The following TMEM236 variants were observed in gnomAD, a reference collection of about 807,000 sequenced individuals.
TMEM236 encodes transmembrane protein 236.
TMEM236 carries 11 observed loss-of-function variants against 14.7 expected under a neutral mutation model. The ratio of observed to expected loss-of-function variants is 0.75; its 90% CI spans 0.47 to 1.24. The LOEUF is 1.24. Ranked by LOEUF, TMEM236 falls within the 50% of genes most tolerant of loss-of-function variation. TMEM236 has a pLI of 0.00. For synonymous variants in TMEM236, 182 were observed against 168.6 expected (o/e 1.08, Z -0.62); for missense variants, 464 against 427.3 (o/e 1.09, Z -0.76).
At chr10:17,769,886 C>T (rs1212802515) in intron 1 of TMEM236, among the ~76,000 whole-genome samples, 11 of 152,298 alleles carry the variant, frequency 7.2e-5, no homozygotes, top group African/African-American at 2.6e-4. Context: ...GTTCGTTACA[C>T]TGGTATGTTG....
At chr10:17,790,253 A>C (rs1837905264) in intron 3 of TMEM236, among the ~76,000 whole-genome samples, 1 of 152,154 alleles carries the variant, frequency 6.6e-6, no homozygotes, top group Non-Finnish European at 1.5e-5. Context: ...TAAATAAATG[A>C]TGAAGCTGAA....
intron 1 of TMEM236, among the ~76,000 whole-genome samples, chr10:17,764,192 A>G (rs1171324328): frequency 3.3e-5 from 5 of 152,194 alleles, no homozygotes; most frequent in African/African-American, 4.8e-5. Context: ...TCCACCCACC[A>G]TGCTTCCTCT....
rs1837224998 is a variant in TMEM236 at position 17,752,565 on chromosome 10, A to G, written c.257+13A>G. On this transcript the variant is annotated intron_variant, in intron 1 of 3. Coordinates refer to ENST00000377495, the MANE Select transcript of TMEM236 (RefSeq NM_001098844.3). ...AAATTAAAGGATGGTAAGTAAAAGA[A>G]TTTTCTTTTTTTTCTTTTTGATTTG... 3 of 1,612,496 alleles carry G rather than the reference A, an allele frequency of 1.9e-6. No individual in the cohort carries two copies. Among genetic ancestry groups the G allele is most frequent in the Non-Finnish European group, 2.5e-6 (3 of 1,178,806 alleles).
rs1449137143 is a variant in TMEM236 at position 17,759,815 on chromosome 10, C to T, written c.257+7263C>T. Among the ~76,000 whole-genome samples the T allele has an allele frequency of 4.6e-5, 7 of 151,870 alleles. No individual in the cohort carries two copies. In the East Asian group the frequency reaches 1.2e-3, roughly 25 times the overall value. On this transcript the variant is annotated intron_variant, in intron 1 of 3. Coordinates refer to ENST00000377495, the MANE Select transcript of TMEM236 (RefSeq NM_001098844.3). ...CTAACACGGTGAAACCCCGTCTCTA[C>T]TAAAAATACAGAAAAATGAGCCGGG...
At chr10:17,754,278 T>G (rs1837250893) in intron 1 of TMEM236, among the ~76,000 whole-genome samples, 1 of 152,216 alleles carries the variant, frequency 6.6e-6, no homozygotes, top group Non-Finnish European at 1.5e-5. Flanking sequence ...CTTTGACCAT[T>G]AACTACGACT....
rs878958449 is a variant in TMEM236 at position 17,762,574 on chromosome 10, CATATATATATAT to C, written c.258-8701_258-8690del. ...GGTATATATTTACCTATCTGAATTT[CATATATATATAT>C]ATATATATATATATATATATATATA... On this transcript the variant is annotated intron_variant, in intron 1 of 3. Transcript: ENST00000377495. Among the ~76,000 whole-genome samples the C allele has an allele frequency of 9.2e-3, 487 of 53,056 alleles. 19 individuals are homozygous for C. Among genetic ancestry groups the C allele is most frequent in the Admixed American group, 0.061 (240 of 3,960 alleles). The allele number at this position is 53,056 out of a possible 152,430, so 34.8% of individuals were successfully genotyped here.
At chr10:17,776,194 TA>T in intron 3 of TMEM236, 24 bp downstream of exon 3, 1 of 1,600,402 alleles carries the variant, frequency 6.2e-7, no homozygotes. Flanking sequence ...TAAATGTGAA[TA>T]TTTTTTAAAG....
chr10:17,795,947 AC>A lies in TMEM236; in HGVS notation c.501del (p.Ser168LeufsTer5). On this transcript the variant is annotated frameshift_variant, in exon 4 of 4. Transcript: ENST00000377495. LOFTEE classifies it low-confidence loss of function (END_TRUNC). ...TAGTGAAAATGGACACATCCATTCA[AC>A]CTCTTTGCAACACATAAAAACTGTG... Reference protein sequence around the residue: ...KSSENGHIHSTSLQHIKTVTE... With the variant: ...KSSENGHIHSXSLQHIKTVTE... 1 of 1,613,954 alleles carries A rather than the reference AC, an allele frequency of 6.2e-7. No individual in the cohort carries two copies. Among genetic ancestry groups the A allele is most frequent in the South Asian group, 1.1e-5 (1 of 91,074 alleles).
In TMEM236 at chr10:17,799,940, T is replaced by C. The variant is rs1048233809; in HGVS notation, c.*3436T>C. 2.9e-4 allele frequency: 45 copies of C among 152,548 alleles called. No homozygotes were observed. Among genetic ancestry groups the C allele is most frequent in the African/African-American group, 9.9e-4 (41 of 41,432 alleles). 9.4% of individuals were successfully genotyped at this position (152,548 alleles called of 1,614,324 possible). On this transcript the variant is annotated 3_prime_UTR_variant, in exon 4 of 4. Coordinates refer to ENST00000377495, the MANE Select transcript of TMEM236 (RefSeq NM_001098844.3). ...CATTTAATATTTTACTTAGAGTGTATACATGTTTATAGACTGCAAGTCTAT... is the reference window on the plus strand; with the variant it reads ...CATTTAATATTTTACTTAGAGTGTACACATGTTTATAGACTGCAAGTCTAT...
chr10:17,769,236 TG>T (rs1191264956), intron 1 of TMEM236, among the ~76,000 whole-genome samples: 5 of 152,196 alleles, frequency 3.3e-5, no homozygotes, highest in Admixed American at 1.3e-4. Flanking sequence ...ACTATGGTGT[TG>T]GCAGAAAAGG....
intron 3 of TMEM236, among the ~76,000 whole-genome samples, chr10:17,783,844 G>A (rs1228089668): frequency 1.3e-5 from 2 of 152,110 alleles, no homozygotes; most frequent in Non-Finnish European, 2.9e-5. Flanking sequence ...TCTTCTCATA[G>A]GCTTATTGGC....
At chr10:17,789,419 A>G (rs1162739606) in intron 3 of TMEM236, among the ~76,000 whole-genome samples, 1 of 152,170 alleles carries the variant, frequency 6.6e-6, no homozygotes, top group Non-Finnish European at 1.5e-5. Context: ...CACTATTGCT[A>G]CTTTTTATTT....
intron 3 of TMEM236, among the ~76,000 whole-genome samples, chr10:17,785,744 CG>C (rs1387171188): frequency 1.3e-5 from 2 of 151,188 alleles, no homozygotes; most frequent in South Asian, 2.1e-4. Context: ...GGGGACCAAC[CG>C]GGGGGGGATA....
intron 3 of TMEM236, among the ~76,000 whole-genome samples, chr10:17,793,799 AATAAC>A (rs1837966371): frequency 6.6e-6 from 1 of 152,176 alleles, no homozygotes; most frequent in Non-Finnish European, 1.5e-5. Context: ...TAATTTTTTA[AATAAC>A]ATAAGAGGTG....
intron 1 of TMEM236, among the ~76,000 whole-genome samples, chr10:17,760,371 G>A (rs1329594561): frequency 6.7e-6 from 1 of 148,926 alleles, no homozygotes; most frequent in South Asian, 2.1e-4. Context: ...ACTGATTTAC[G>A]AGTTCTGTAA....
At chr10:17,765,368 C>T (rs1265157823) in intron 1 of TMEM236, among the ~76,000 whole-genome samples, 1 of 152,164 alleles carries the variant, frequency 6.6e-6, no homozygotes, top group African/African-American at 2.4e-5. Flanking sequence ...CTCAACACCT[C>T]CAAAAGTCCT....
intron 1 of TMEM236, among the ~76,000 whole-genome samples, chr10:17,762,443 G>A (rs981860428): frequency 1.3e-5 from 2 of 151,482 alleles, no homozygotes; most frequent in African/African-American, 4.9e-5. Flanking sequence ...CTGCAATGAT[G>A]TCACCTATTT....
intron 1 of TMEM236, among the ~76,000 whole-genome samples, chr10:17,762,209 A>G (rs1305999690): frequency 6.6e-6 from 1 of 152,102 alleles, no homozygotes. Flanking sequence ...TCATTCTGCC[A>G]TCTCAACCAC....
At chr10:17,778,604 T>A (rs1837695937) in intron 3 of TMEM236, among the ~76,000 whole-genome samples, 1 of 152,186 alleles carries the variant, frequency 6.6e-6, no homozygotes, top group Non-Finnish European at 1.5e-5. Context: ...TTTGGCTCCC[T>A]TTAGGAAATG....
Sources: allele counts gnomAD v4.1 joint callset (sites outside exome capture counted in the v4.1 genomes callset), GRCh38; gene constraint gnomAD v4.1.1; transcripts MANE v1.5; gene names NCBI Gene and HGNC (gene_info 2026-07-23, HGNC 2026-07-21).